CAPN14: variants seen among roughly 807,000 people sequenced by gnomAD.
The protein encoded by CAPN14 is calpain 14.
Under a neutral mutation model 101.3 loss-of-function variants are expected in CAPN14, and 94 were observed. The ratio of observed to expected loss-of-function variants is 0.93; its 90% CI spans 0.79 to 1.10. The LOEUF (loss-of-function observed/expected upper bound fraction) is 1.10. Ranked by LOEUF, CAPN14 falls within the 50% of genes least tolerant of loss-of-function variation. CAPN14 has a pLI of 0.00. For synonymous variants in CAPN14, 338 were observed against 317.9 expected, an observed-to-expected ratio of 1.06 and a Z score of -0.67; for missense variants, 837 against 828.4, an observed-to-expected ratio of 1.01 and a Z score of -0.13.
intron 13 of CAPN14, 81 bp downstream of exon 13, chr2:31,189,192 T>G: frequency 8.0e-7 from 1 of 1,248,630 alleles, no homozygotes. Flanking sequence ...GATCCTGGTT[T>G]CTGCCATTTC....
intron 12 of CAPN14, 22 bp downstream of exon 12, chr2:31,191,377 C>T: frequency 6.5e-7 from 1 of 1,542,148 alleles, no homozygotes; most frequent in East Asian, 2.4e-5. Context: ...ACTAGGGCCA[C>T]CCGGTCAAGT....
intron 1 of CAPN14, among the ~76,000 whole-genome samples, chr2:31,211,671 G>GCA (rs34380519): frequency 0.047 from 7,091 of 149,296 alleles, 216 homozygotes; most frequent in Admixed American, 0.074. Context: ...GTGTGCATGT[G>GCA]CACACACACA....
At chr2:31,206,372 G>A (rs1682094304) in intron 1 of CAPN14, among the ~76,000 whole-genome samples, 1 of 152,142 alleles carries the variant, frequency 6.6e-6, no homozygotes, top group East Asian at 1.9e-4. Flanking sequence ...TGGCGTGGGC[G>A]AGCCGGCAGT....
chr2:31,176,381 T>C (rs1166892231), intron 21 of CAPN14, among the ~76,000 whole-genome samples: 1 of 152,258 alleles, frequency 6.6e-6, no homozygotes, highest in Admixed American at 6.5e-5. Context: ...ACACCTTTCA[T>C]ATGTGCCTGG....
chr2:31,188,400 A>AT, intron 13 of CAPN14, 46 bp from the exon 14 acceptor site: 1 of 1,544,356 alleles, frequency 6.5e-7, no homozygotes, highest in Non-Finnish European at 8.8e-7. Flanking sequence ...CCTCTTGGGA[A>AT]TTTTTTGGCC....
At position 31,176,783 on chromosome 2, in the gene CAPN14, C is replaced by G. The variant is rs1020075163; in HGVS notation, c.1973-141G>C. 7.7e-6 allele frequency: 6 copies of G among 776,592 alleles called. No homozygotes were observed. In the Admixed American group the frequency reaches 8.6e-5, roughly 11 times the overall value. 48.1% of individuals were successfully genotyped at this position (776,592 alleles called of 1,614,324 possible). On this transcript the variant is annotated intron_variant, in intron 20 of 21. Transcript: ENST00000403897. ...CAGTGTCAGCCTACATGTGACCACA[C>G]GCAGCCACATCTATGATAAGTGAGC...
chr2:31,181,585 G>A (rs1020681794), intron 16 of CAPN14, among the ~76,000 whole-genome samples: 23 of 140,472 alleles, frequency 1.6e-4, no homozygotes, highest in East Asian at 1.1e-3. Context: ...GGTTAGTTAC[G>A]TATGTATACA....
intron 3 of CAPN14, 115 bp downstream of exon 3, chr2:31,202,955 T>G (rs1681872927): frequency 3.7e-6 from 3 of 804,560 alleles, no homozygotes; most frequent in Middle Eastern, 3.5e-4. Context: ...ATAGCCATTT[T>G]GGGCCTCTCT....
rs927312510 is a variant in CAPN14, at chr2:31,232,116, T to A, written c.-177+1675A>T. Among the ~76,000 whole-genome samples, 8 of 152,276 alleles carry A rather than the reference T, an allele frequency of 5.3e-5. No homozygotes were observed. In the South Asian group the frequency reaches 1.7e-3, roughly 32 times the overall value. ...TGAAATCCCTGCAGCTTCACCACAC[T>A]CCTCTTGAAGCTCCTGCAGGCACTT... On this transcript the variant is annotated intron_variant and NMD_transcript_variant, in intron 1 of 21. Transcript: ENST00000398824.
chr2:31,190,118 C>G (rs576126450), intron 12 of CAPN14, among the ~76,000 whole-genome samples: 1 of 111,152 alleles, frequency 9.0e-6, no homozygotes, highest in East Asian at 2.2e-4. Flanking sequence ...TCTTGGGTAT[C>G]TGCTTTATCT....
chr2:31,176,442 G>C (rs1295177551), intron 21 of CAPN14, 145 bp downstream of exon 21: 3 of 645,080 alleles, frequency 4.7e-6, no homozygotes, highest in Non-Finnish European at 8.3e-6. Flanking sequence ...ATGAATGAAT[G>C]AATGAGTGCA....
In CAPN14 at chr2:31,186,432, C is replaced by G. The variant is rs1317904940; in HGVS notation, c.1641G>C (p.Trp547Cys). The change falls in exon 16 of 22, where the codon TGG becomes TGC. Residue 547 changes from tryptophan to cysteine, a missense_variant. Trp to Cys is a radical substitution (Grantham distance 215). Transcript: ENST00000403897. ...QLQNLLNQMT[W>C]SSLGSRQPFF... ...GAATGGCTCTAAAACACTTACTTGA[C>G]CAGGTCATCTGGTTCAGGAGGTTCT... 6.5e-7 allele frequency: 1 copy of G among 1,548,774 alleles called. No homozygotes were observed. The highest frequency in any genetic ancestry group is 2.0e-5 in the Admixed American group (1 of 50,420).
Position 31,192,115 on chromosome 2 carries a change from C to G in CAPN14, c.1115-17G>C. 1 of 1,531,368 alleles carries G rather than the reference C, an allele frequency of 6.5e-7. No individual in the cohort carries two copies. The highest frequency in any genetic ancestry group is 1.2e-5 in the South Asian group (1 of 81,814). The allele number at this position is 1,531,368 out of a possible 1,614,324, so 94.9% of individuals were successfully genotyped here. On this transcript the variant is annotated splice_polypyrimidine_tract_variant and intron_variant, in intron 10 of 21. Coordinates refer to ENST00000403897, the MANE Select transcript of CAPN14 (RefSeq NM_001145122.2). ...AAAATGTGTCTGGAGCAGAACACAG[C>G]AAGGTGAGAATGGGCCCCGGATCCC...
intron 2 of CAPN14, among the ~76,000 whole-genome samples, chr2:31,203,801 A>C (rs1681924575): frequency 6.6e-6 from 1 of 152,106 alleles, no homozygotes; most frequent in African/African-American, 2.4e-5. Context: ...GTGATGGGTG[A>C]GTAGGGAAGA....
intron 8 of CAPN14, among the ~76,000 whole-genome samples, chr2:31,196,661 T>A (rs943612189): frequency 9.2e-5 from 14 of 152,212 alleles, no homozygotes; most frequent in African/African-American, 3.4e-4. Context: ...GCCTGTGCCC[T>A]ACAGCCAGTG....
intron 4 of CAPN14, 49 bp from the exon 5 acceptor site, chr2:31,202,047 G>T (rs1004938495): frequency 6.5e-7 from 1 of 1,550,026 alleles, no homozygotes; most frequent in Non-Finnish European, 8.7e-7. Flanking sequence ...TGCAGATGGT[G>T]ATCAGCCCAG....
intron 1 of CAPN14, among the ~76,000 whole-genome samples, chr2:31,213,424 G>A (rs537070388): frequency 2.0e-5 from 3 of 152,328 alleles, no homozygotes; most frequent in South Asian, 2.1e-4. Context: ...TTACAACAGC[G>A]GAGTTGAGTC....
chr2:31,191,302 A>G (rs1681163772), intron 12 of CAPN14, 97 bp downstream of exon 12: 1 of 1,180,700 alleles, frequency 8.5e-7, no homozygotes, highest in Admixed American at 2.7e-5. Flanking sequence ...CTTCTTACGC[A>G]GTAGAAGCCT....
chr2:31,177,832 C>A lies in CAPN14; in HGVS notation c.1780-11G>T. The A allele has an allele frequency of 1.3e-6, 2 of 1,550,334 alleles. No homozygotes were observed. Among genetic ancestry groups the A allele is most frequent in the African/African-American group, 1.4e-5 (1 of 73,152 alleles). On this transcript the variant is annotated splice_polypyrimidine_tract_variant and intron_variant, in intron 18 of 21. Transcript: ENST00000403897. ...CTTGTGGAAAACCTTCTGCAAAGAA[C>A]CAAATAAGAGGTTCAGGAAGCCAGG...
Sources: gnomAD v4.1 joint callset for allele counts (sites outside exome capture counted in the v4.1 genomes callset) on GRCh38, gnomAD v4.1.1 for gene constraint, MANE v1.5 for transcripts, NCBI Gene and HGNC (gene_info 2026-07-23, HGNC 2026-07-21) for gene names.